Variants in ATP8B4 observed in about 807,000 individuals in gnomAD.
The protein encoded by ATP8B4 is ATPase phospholipid transporting 8B4 (putative).
A neutral mutation model predicts 145.6 loss-of-function variants in ATP8B4; 133 were observed. The observed-to-expected ratio is 0.91, with a 90% CI of 0.79 to 1.05. ATP8B4 has a LOEUF of 1.05. Among genes scored for constraint, ATP8B4 ranks in the 50% least tolerant of loss-of-function variants. The pLI, the probability that ATP8B4 is intolerant of heterozygous loss-of-function variation, is 0.00. For missense variants in ATP8B4, 1,458 were observed against 1,425.2 expected (o/e 1.02, Z -0.37); for synonymous variants, 507 against 492.9 (o/e 1.03, Z -0.38).
At chr15:49,979,517 A>G (rs1397009617) in intron 12 of ATP8B4, 100 bp downstream of exon 12, 5 of 975,224 alleles carry the variant, frequency 5.1e-6, no homozygotes, top group Non-Finnish European at 7.1e-6. Context: ...AGCAGTTAAG[A>G]GCAAGACATC....
At chr15:50,080,985 C>T (rs1300851688) in intron 2 of ATP8B4, among the ~76,000 whole-genome samples, 1 of 152,072 alleles carries the variant, frequency 6.6e-6, no homozygotes, top group Non-Finnish European at 1.5e-5. Flanking sequence ...TGGTGGCGGG[C>T]ACCTCTAGTC....
chr15:50,009,629 T>G (rs1181436049), intron 7 of ATP8B4: 1 of 453,772 alleles, frequency 2.2e-6, no homozygotes, highest in East Asian at 7.0e-5. Context: ...ACAGAGTATG[T>G]TCTAACAGAC....
intron 2 of ATP8B4, among the ~76,000 whole-genome samples, chr15:50,080,854 C>T (rs183867193): frequency 3.3e-5 from 5 of 152,178 alleles, no homozygotes; most frequent in Admixed American, 2.6e-4. Context: ...TGGCTCACGC[C>T]TGTAATCCCA....
chr15:50,118,236 G>T (rs527628561), intron 1 of ATP8B4, among the ~76,000 whole-genome samples: 2 of 152,230 alleles, frequency 1.3e-5, no homozygotes, highest in African/African-American at 4.8e-5. Context: ...CCAACACAAA[G>T]AAATGGTAAA....
chr15:49,891,203 A>G (rs907577867), intron 23 of ATP8B4, among the ~76,000 whole-genome samples: 1 of 151,956 alleles, frequency 6.6e-6, no homozygotes, highest in African/African-American at 2.4e-5. Flanking sequence ...TAAAATATTC[A>G]TACACTTGCT....
intron 1 of ATP8B4, among the ~76,000 whole-genome samples, chr15:50,180,473 G>C (rs1417808892): frequency 6.6e-6 from 1 of 152,136 alleles, no homozygotes; most frequent in African/African-American, 2.4e-5. Context: ...TTGTAACTGA[G>C]GTTAAAGTGA....
intron 14 of ATP8B4, among the ~76,000 whole-genome samples, chr15:49,944,898 A>T (rs1292811928): frequency 6.6e-6 from 1 of 152,178 alleles, no homozygotes; most frequent in Non-Finnish European, 1.5e-5. Flanking sequence ...CTAGAAATCA[A>T]TAGCAAAAGG....
chr15:50,015,099 A>T (rs2048990608), intron 6 of ATP8B4, among the ~76,000 whole-genome samples: 2 of 152,244 alleles, frequency 1.3e-5, no homozygotes, highest in South Asian at 4.1e-4. Context: ...GTAGGTCTAT[A>T]TGTGCTAATA....
At chr15:50,025,487 C>T (rs1475319837) in intron 6 of ATP8B4, among the ~76,000 whole-genome samples, 1 of 152,172 alleles carries the variant, frequency 6.6e-6, no homozygotes, top group African/African-American at 2.4e-5. Context: ...ATGATTTTCC[C>T]TCTGGAATTC....
chr15:50,026,548 A>G (rs562875825), intron 6 of ATP8B4, among the ~76,000 whole-genome samples: 1 of 152,336 alleles, frequency 6.6e-6, no homozygotes, highest in East Asian at 1.9e-4. Flanking sequence ...GGCAGCCGAG[A>G]GCACCTGCTC....
intron 10 of ATP8B4, among the ~76,000 whole-genome samples, chr15:49,984,130 A>G (rs1343211842): frequency 1.3e-5 from 2 of 152,212 alleles, no homozygotes; most frequent in Non-Finnish European, 2.9e-5. Context: ...CAAACTAACA[A>G]ATTAGGTACT....
intron 1 of ATP8B4, among the ~76,000 whole-genome samples, chr15:50,143,940 C>T (rs528815032): frequency 5.3e-5 from 8 of 152,238 alleles, no homozygotes; most frequent in Admixed American, 5.2e-4. Flanking sequence ...TAAATGGGAG[C>T]CACACATGCT....
intron 26 of ATP8B4, among the ~76,000 whole-genome samples, chr15:49,864,087 A>G (rs763826971): frequency 2.0e-5 from 3 of 152,218 alleles, no homozygotes; most frequent in Admixed American, 6.5e-5. Context: ...TTGTTTCCCA[A>G]TATGCTCATT....
chr15:49,966,323 C>T (rs2044534773), intron 13 of ATP8B4, among the ~76,000 whole-genome samples: 1 of 152,212 alleles, frequency 6.6e-6, no homozygotes, highest in African/African-American at 2.4e-5. Flanking sequence ...AGTGGTCTAA[C>T]TCAGCAGATC....
At chr15:49,870,322 A>G (rs2033484255) in intron 25 of ATP8B4, among the ~76,000 whole-genome samples, 2 of 152,206 alleles carry the variant, frequency 1.3e-5, no homozygotes, top group African/African-American at 2.4e-5. Context: ...CAGAAAATGT[A>G]TGGGAGGATT....
Position 50,002,267 on chromosome 15 carries a change from T to C in ATP8B4, c.436-44A>G, listed in dbSNP as rs115490915. Reference sequence around the variant, plus strand: ...ACAAAAGAATACTTGAGAAGTTAGATTGGTTGAAAGTCTTCTACAGTATAT... The same window carrying C: ...ACAAAAGAATACTTGAGAAGTTAGACTGGTTGAAAGTCTTCTACAGTATAT... On this transcript the variant is annotated intron_variant, in intron 7 of 27. Transcript: ENST00000284509. The C allele has an allele frequency of 4.7e-4, 714 of 1,517,532 alleles. 1 individual carries two copies. In the African/African-American group the frequency reaches 9.0e-3, roughly 19 times the overall value. The allele number at this position is 1,517,532 out of a possible 1,614,324, so 94.0% of individuals were successfully genotyped here. A position where few individuals can be genotyped will look rare whatever the true frequency, so the allele number is the denominator to read the frequency against.
intron 5 of ATP8B4, among the ~76,000 whole-genome samples, chr15:50,039,265 C>T (rs1319458648): frequency 2.0e-5 from 3 of 152,312 alleles, no homozygotes; most frequent in Non-Finnish European, 2.9e-5. Context: ...CAAGAAGTTA[C>T]TTGTAACAAC....
intron 6 of ATP8B4, among the ~76,000 whole-genome samples, chr15:50,026,501 G>A (rs906756363): frequency 2.0e-5 from 3 of 152,208 alleles, no homozygotes; most frequent in Admixed American, 2.0e-4. Flanking sequence ...TGTGATGCTT[G>A]TGGAGGCTCC....
At chr15:50,052,982 C>T (rs1361652846) in intron 3 of ATP8B4, among the ~76,000 whole-genome samples, 1 of 152,020 alleles carries the variant, frequency 6.6e-6, no homozygotes, top group Non-Finnish European at 1.5e-5. Context: ...AGGTGGAAAA[C>T]AAATCAGTGG....
Sources: gnomAD v4.1 joint callset for allele counts (sites outside exome capture counted in the v4.1 genomes callset) on GRCh38, gnomAD v4.1.1 for gene constraint, MANE v1.5 for transcripts, NCBI Gene and HGNC (gene_info 2026-07-23, HGNC 2026-07-21) for gene names.